The following MANBA variants were observed in gnomAD, a reference collection of about 807,000 sequenced individuals.
MANBA encodes the protein beta-mannosidase.
Under a neutral mutation model 111.1 loss-of-function variants are expected in MANBA, and 83 were observed. The ratio of observed to expected loss-of-function variants is 0.75; its 90% CI spans 0.63 to 0.90. The LOEUF (loss-of-function observed/expected upper bound fraction) is 0.90. Ranked by LOEUF, MANBA falls within the 40% of genes least tolerant of loss-of-function variation. The probability of loss-of-function intolerance (pLI) is 0.00; values close to 1 mark genes in which losing one functional copy is unlikely to be tolerated. For synonymous variants in MANBA, 370 were observed against 378.7 expected (o/e 0.98, Z 0.27); for missense variants, 1,036 against 1,069.0 (o/e 0.97, Z 0.43).
Position 102,657,892 on chromosome 4 carries a change from C to A in MANBA, c.1494G>T (p.Lys498Asn). 1 of 1,603,032 alleles carries A rather than the reference C, an allele frequency of 6.2e-7. No homozygotes were observed. The highest frequency in any genetic ancestry group is 8.5e-7 in the Non-Finnish European group (1 of 1,169,906). The change falls in exon 12 of 17, where the codon AAG becomes AAT. Residue 498 changes from lysine (K) to asparagine (N), a missense_variant. By Grantham distance (94) the Lys-to-Asn change is moderately conservative (BLOSUM62 0). Transcript: ENST00000647097. ...NIRELVLAGD[K>N]SRPFITSSPT... ...GACTGGACGTAATAAAAGGACGACT[C>A]TTGTCTCCCTGAGTTCAGAAATAAA... is the stretch of plus-strand genomic sequence containing the variant.
At chr4:102,750,075 T>C (rs1723733047) in intron 1 of MANBA, among the ~76,000 whole-genome samples, 1 of 152,214 alleles carries the variant, frequency 6.6e-6, no homozygotes. Flanking sequence ...TTGAGCAACA[T>C]TATTAATTGA....
At chr4:102,730,553 A>G in intron 1 of MANBA, 1 of 534,732 alleles carries the variant, frequency 1.9e-6, no homozygotes, top group Non-Finnish European at 3.8e-6. Flanking sequence ...AAATAAGGCA[A>G]GACGTAATTT....
chr4:102,675,971 GAAAAAAAAAAGAAGGC>G (rs1731706774), intron 7 of MANBA, among the ~76,000 whole-genome samples: 1 of 145,164 alleles, frequency 6.9e-6, no homozygotes, highest in Admixed American at 6.9e-5. Context: ...ACTCCGTCTT[GAAAAAAAAAAGAAGGC>G]TTACCTTCTC....
intron 5 of MANBA, among the ~76,000 whole-genome samples, chr4:102,711,385 A>G (rs2110270065): frequency 6.6e-6 from 1 of 152,348 alleles, no homozygotes; most frequent in Non-Finnish European, 1.5e-5. Context: ...ACTAATCATC[A>G]GGGAACTGTA....
chr4:102,657,673 A>G lies in MANBA; in HGVS notation c.1704+9T>C. The G allele has an allele frequency of 6.3e-7, 1 of 1,585,356 alleles. No individual in the cohort carries two copies. The highest frequency in any genetic ancestry group is 1.1e-5 in the South Asian group (1 of 90,502). ...TTCTGAAACATTAGAAAATCAAACG[A>G]TGACTTACCTTTTCTAATGTACTGA... is the stretch of plus-strand genomic sequence containing the variant. On this transcript the variant is annotated intron_variant, in intron 12 of 16. Coordinates refer to ENST00000647097, the MANE Select transcript of MANBA (RefSeq NM_005908.4).
At chr4:102,651,799 T>C (rs1228995952) in intron 12 of MANBA, among the ~76,000 whole-genome samples, 1 of 152,154 alleles carries the variant, frequency 6.6e-6, no homozygotes, top group African/African-American at 2.4e-5. Context: ...CAGATGTTTT[T>C]CCAAAATGCC....
chr4:102,663,686 C>T (rs1186471761), intron 11 of MANBA, among the ~76,000 whole-genome samples: 1 of 152,132 alleles, frequency 6.6e-6, no homozygotes, highest in Non-Finnish European at 1.5e-5. Flanking sequence ...AAATAGATGC[C>T]TTTTCAAATT....
chr4:102,727,211 C>A, intron 1 of MANBA: 1 of 402,112 alleles, frequency 2.5e-6, no homozygotes, highest in Non-Finnish European at 4.7e-6. Flanking sequence ...GGGCACTTTC[C>A]TGGAAGATGC....
chr4:102,656,453 T>C (rs1344100513), intron 12 of MANBA, among the ~76,000 whole-genome samples: 5 of 151,992 alleles, frequency 3.3e-5, no homozygotes, highest in African/African-American at 1.2e-4. Context: ...TGTAGAAAAA[T>C]TGGAACCCTA....
At chr4:102,755,097 C>G (rs1461904138) in intron 1 of MANBA, among the ~76,000 whole-genome samples, 1 of 152,206 alleles carries the variant, frequency 6.6e-6, no homozygotes, top group Non-Finnish European at 1.5e-5. Flanking sequence ...CAATGACTTT[C>G]TTCACAGAAT....
intron 2 of MANBA, among the ~76,000 whole-genome samples, 184 bp from the exon 3 acceptor site, chr4:102,724,151 C>T (rs552476871): frequency 2.6e-5 from 4 of 152,284 alleles, no homozygotes; most frequent in Admixed American, 6.5e-5. Context: ...TTTGAGTGAT[C>T]CAGCTTATCT....
chr4:102,669,050 C>T lies in MANBA; in HGVS notation c.1231-1G>A, dbSNP rs370801398. The T allele has an allele frequency of 1.2e-6, 2 of 1,609,072 alleles. No homozygotes were observed. The highest frequency in any genetic ancestry group is 1.3e-5 in the African/African-American group (1 of 74,822). ...AGGCAAACATAAAATCCTGCCATACCTAGCAAATCAAATAAAAGGGAATGC... is the reference window on the plus strand; with the variant it reads ...AGGCAAACATAAAATCCTGCCATACTTAGCAAATCAAATAAAAGGGAATGC... On this transcript the variant is annotated splice_acceptor_variant, in intron 9 of 16. Coordinates refer to ENST00000647097, the MANE Select transcript of MANBA (RefSeq NM_005908.4). LOFTEE classifies it high-confidence loss of function.
chr4:102,670,204 G>A (rs1348002233), intron 9 of MANBA, among the ~76,000 whole-genome samples: 1 of 150,018 alleles, frequency 6.7e-6, no homozygotes, highest in African/African-American at 2.5e-5. Flanking sequence ...CAGCCTGTCT[G>A]AGTCGGAATT....
At chr4:102,752,632 G>A in intron 1 of MANBA, 2 of 585,364 alleles carry the variant, frequency 3.4e-6, no homozygotes, top group South Asian at 2.8e-5. Flanking sequence ...CTTTCCATGT[G>A]GGGGCATGAA....
intron 14 of MANBA, among the ~76,000 whole-genome samples, chr4:102,636,551 A>AT (rs1560739108): frequency 6.6e-6 from 1 of 152,218 alleles, no homozygotes. Flanking sequence ...TTGCTTTAAT[A>AT]TATAACCATT....
intron 7 of MANBA, chr4:102,681,457 T>TA (rs1037828764): frequency 6.6e-6 from 1 of 152,068 alleles, no homozygotes; most frequent in Admixed American, 6.6e-5. Context: ...ACAACAAATT[T>TA]AAAAAAATAA....
intron 7 of MANBA, among the ~76,000 whole-genome samples, chr4:102,688,386 TACACACAC>T (rs70937563): frequency 5.0e-5 from 7 of 140,472 alleles, no homozygotes; most frequent in South Asian, 2.4e-4. Context: ...CCTCCCCCCT[TACACACAC>T]ACACACACAC....
chr4:102,631,868 T>C lies in MANBA; in HGVS notation c.*189A>G, dbSNP rs1437072754. On this transcript the variant is annotated 3_prime_UTR_variant, in exon 17 of 17. Transcript: ENST00000647097. ...CCCGGCACAGGCTTGTTTGAGGACA[T>C]TGCCTGGGTAAACAGCCTCCCCTGA... is the stretch of plus-strand genomic sequence containing the variant. The C allele has an allele frequency of 6.1e-6, 4 of 652,696 alleles. No homozygotes were observed. The highest frequency in any genetic ancestry group is 1.8e-5 in the African/African-American group (1 of 55,754). 40.4% of individuals were successfully genotyped at this position (652,696 alleles called of 1,614,324 possible).
At chr4:102,697,159 C>T (rs1456566983) in intron 5 of MANBA, among the ~76,000 whole-genome samples, 1 of 152,042 alleles carries the variant, frequency 6.6e-6, no homozygotes, top group Non-Finnish European at 1.5e-5. Context: ...AATGAGGAGA[C>T]TAATCACAGG....
Sources: gnomAD v4.1 joint callset for allele counts (sites outside exome capture counted in the v4.1 genomes callset) on GRCh38, gnomAD v4.1.1 for gene constraint, MANE v1.5 for transcripts, NCBI Gene and HGNC (gene_info 2026-07-23, HGNC 2026-07-21) for gene names.